CCDC77: variants seen among roughly 807,000 people sequenced by gnomAD.
CCDC77 encodes coiled-coil domain containing 77.
A neutral mutation model predicts 66.8 loss-of-function variants in CCDC77; 56 were observed. The ratio of observed to expected loss-of-function variants is 0.84; its 90% CI spans 0.68 to 1.05. The LOEUF (loss-of-function observed/expected upper bound fraction) is 1.05, where lower values mean the gene tolerates loss of function less well. CCDC77 is among the 50% of genes least tolerant of loss of function. The probability of loss-of-function intolerance (pLI) is 0.00; values close to 1 mark genes in which losing one functional copy is unlikely to be tolerated. For missense variants in CCDC77, 570 were observed against 576.8 expected, an observed-to-expected ratio of 0.99 and a Z score of 0.12; for synonymous variants, 196 against 195.2, an observed-to-expected ratio of 1.00 and a Z score of -0.03.
At chr12:389,581 G>A (rs941707895) in intron 1 of CCDC77, 8 of 278,474 alleles carry the variant, frequency 2.9e-5, no homozygotes, top group Non-Finnish European at 5.7e-5. Flanking sequence ...CAACGAGGCG[G>A]GGCGAGGCGC....
chr12:429,287 C>A (rs1327969285), intron 6 of CCDC77, among the ~76,000 whole-genome samples: 1 of 152,204 alleles, frequency 6.6e-6, no homozygotes, highest in East Asian at 1.9e-4. Context: ...CAGAGATAAT[C>A]CATTAGTAAT....
intron 6 of CCDC77, 40 bp downstream of exon 6, chr12:428,905 C>T (rs770268539): frequency 7.6e-7 from 1 of 1,307,666 alleles, no homozygotes; most frequent in East Asian, 2.3e-5. Context: ...TGTGGCTTTA[C>T]AAGTCACAGG....
intron 4 of CCDC77, among the ~76,000 whole-genome samples, chr12:414,735 C>T (rs1945188743): frequency 6.6e-6 from 1 of 152,110 alleles, no homozygotes. Context: ...TTCTTCCAGT[C>T]CCCCTAAACC....
upstream of CCDC77, among the ~76,000 whole-genome samples, chr12:397,342 G>T (rs918074144): frequency 6.6e-6 from 1 of 152,114 alleles, no homozygotes; most frequent in Non-Finnish European, 1.5e-5. Flanking sequence ...AAAAATTGCA[G>T]GGGCTAAAAG....
At chr12:396,916 A>T (rs1944835675), upstream of CCDC77, among the ~76,000 whole-genome samples, 1 of 152,068 alleles carries the variant, frequency 6.6e-6, no homozygotes, top group Non-Finnish European at 1.5e-5. Context: ...CCCGGAATTG[A>T]ATTTTTTGGA....
chr12:438,725 T>C (rs868500750), intron 10 of CCDC77, 171 bp downstream of exon 10: 29 of 559,698 alleles, frequency 5.2e-5, no homozygotes, highest in Middle Eastern at 4.8e-4. Context: ...ATTTGGGGAT[T>C]CAAAATATTA....
intron 4 of CCDC77, among the ~76,000 whole-genome samples, chr12:414,905 C>G (rs1374983496): frequency 6.6e-6 from 1 of 152,162 alleles, no homozygotes; most frequent in Admixed American, 6.6e-5. Flanking sequence ...CCTCTTACAT[C>G]CCCAGTTGGC....
intron 5 of CCDC77, among the ~76,000 whole-genome samples, chr12:423,734 C>T (rs1266090768): frequency 2.0e-5 from 3 of 151,192 alleles, no homozygotes; most frequent in African/African-American, 4.9e-5. Flanking sequence ...TGGGCTCAAG[C>T]GATTTGCCCA....
chr12:413,476 T>G (rs1945156654), intron 4 of CCDC77, among the ~76,000 whole-genome samples: 1 of 152,020 alleles, frequency 6.6e-6, no homozygotes, highest in Non-Finnish European at 1.5e-5. Flanking sequence ...CCTGACCTCG[T>G]GATCCACCCG....
intron 5 of CCDC77, among the ~76,000 whole-genome samples, chr12:423,470 GTTTTTTGTGT>G (rs1945457495): frequency 2.2e-5 from 1 of 44,846 alleles, no homozygotes; most frequent in Non-Finnish European, 4.5e-5. Flanking sequence ...TGTTTTTTGT[GTTTTTTGTGT>G]TTTTTTTTGT....
chr12:413,750 C>T (rs1343481035), intron 4 of CCDC77, among the ~76,000 whole-genome samples: 2 of 151,330 alleles, frequency 1.3e-5, no homozygotes, highest in Non-Finnish European at 2.9e-5. Flanking sequence ...GCCTCAGCCT[C>T]CCGAGTAGCT....
intron 5 of CCDC77, among the ~76,000 whole-genome samples, chr12:427,040 T>C (rs886646750): frequency 6.6e-6 from 1 of 151,068 alleles, no homozygotes; most frequent in Non-Finnish European, 1.5e-5. Context: ...AGGTCAGGAG[T>C]TCAAGACCAG....
chr12:438,575 C>A lies in CCDC77; in HGVS notation c.1041+21C>A, dbSNP rs776045337. 11 of 1,551,232 alleles carry A rather than the reference C, an allele frequency of 7.1e-6. No individual in the cohort carries two copies. The East Asian group carries it at 2.3e-4, about 32-fold the overall frequency. The stretch of plus-strand genomic sequence containing the variant: ...TTAAGGTAATGTCCTTATGTCGTAA[C>A]GAAGTTGTTTATTTTTCTGGGAGAG... On this transcript the variant is annotated intron_variant, in intron 10 of 12. Coordinates refer to ENST00000239830, the MANE Select transcript of CCDC77 (RefSeq NM_032358.4).
intron 5 of CCDC77, among the ~76,000 whole-genome samples, chr12:420,829 A>T (rs1423759166): frequency 1.3e-3 from 14 of 10,610 alleles, no homozygotes; most frequent in African/African-American, 2.5e-3. Context: ...ATTACAGTGC[A>T]CTTCTGTGTG....
chr12:419,356 A>C (rs952598889), intron 5 of CCDC77, among the ~76,000 whole-genome samples: 1 of 152,242 alleles, frequency 6.6e-6, no homozygotes, highest in Non-Finnish European at 1.5e-5. Flanking sequence ...TTCAGAGAAA[A>C]ACTGAGCTCC....
At chr12:389,391 C>T (rs1292057508) in exon 1 of CCDC77, 13 of 553,784 alleles carry the variant, frequency 2.3e-5, no homozygotes, top group Non-Finnish European at 4.3e-5. Context: ...CTGGCCTTTC[C>T]TTCTTCTTCT....
intron 9 of CCDC77, among the ~76,000 whole-genome samples, chr12:434,948 G>A (rs189961287): frequency 1.7e-4 from 26 of 152,116 alleles, no homozygotes; most frequent in Admixed American, 1.3e-3. Flanking sequence ...TCCCATCCCC[G>A]TCTCAAACCT....
chr12:427,611 A>AT (rs1200887285), intron 5 of CCDC77, among the ~76,000 whole-genome samples: 1 of 151,090 alleles, frequency 6.6e-6, no homozygotes, highest in South Asian at 2.1e-4. Context: ...AGTAGCTGGG[A>AT]TTACAGGTGC....
rs1324002763 is a variant in CCDC77 at position 440,952 on chromosome 12, G to A, written c.1276G>A (p.Val426Ile). Reference sequence around the variant, plus strand: ...AGAAGGCTTTAAGACAGATATTAAAGTTCTCCGACAGAAACTGAAAGACTT... The same window carrying A: ...AGAAGGCTTTAAGACAGATATTAAAATTCTCCGACAGAAACTGAAAGACTT... ...EVEGFKTDIK[V>I]LRQKLKDLEQ... The change falls in exon 12 of 13, where the codon GTT becomes ATT. Residue 426 changes from valine (V) to isoleucine (I), a missense_variant. Coordinates refer to ENST00000239830, the MANE Select transcript of CCDC77 (RefSeq NM_032358.4). 15 of 1,613,256 alleles carry A rather than the reference G, an allele frequency of 9.3e-6. No individual in the cohort carries two copies. Among genetic ancestry groups the A allele is most frequent in the Non-Finnish European group, 9.3e-6 (11 of 1,180,022 alleles).
Sources: gnomAD v4.1 joint callset for allele counts (sites outside exome capture counted in the v4.1 genomes callset) on GRCh38, gnomAD v4.1.1 for gene constraint, MANE v1.5 for transcripts, NCBI Gene and HGNC (gene_info 2026-07-23, HGNC 2026-07-21) for gene names.